MID2: variants seen among roughly 807,000 people sequenced by gnomAD.
The protein encoded by MID2 is midline 2, also known as probable E3 ubiquitin-protein ligase MID2.
A neutral mutation model predicts 46.1 loss-of-function variants in MID2; 13 were observed. The observed-to-expected ratio is 0.28, with a 90% CI of 0.18 to 0.45. The LOEUF (loss-of-function observed/expected upper bound fraction) is 0.45. Ranked by LOEUF, MID2 falls within the 20% of genes least tolerant of loss-of-function variation. MID2 has a pLI of 1.00. For synonymous variants in MID2, 199 were observed against 212.3 expected (o/e 0.94, Z 0.55); for missense variants, 431 against 575.4 (o/e 0.75, Z 2.57).
At chrX:107,882,421 C>T (rs931573279) in intron 3 of MID2, among the ~76,000 whole-genome samples, 11 of 111,677 alleles carry the variant, frequency 9.8e-5, no homozygotes, top group Admixed American at 8.6e-4. Flanking sequence ...AACAGGCAAC[C>T]TACAGAATGT....
chrX:107,839,475 G>A (rs1486265665), intron 1 of MID2, among the ~76,000 whole-genome samples: 1 of 108,615 alleles, frequency 9.2e-6, no homozygotes, highest in African/African-American at 3.4e-5. Context: ...AGGTTCAAGC[G>A]ATACTTCTGG....
chrX:107,858,664 G>C (rs1051577620), intron 3 of MID2, among the ~76,000 whole-genome samples: 1 of 112,577 alleles, frequency 8.9e-6, no homozygotes, highest in African/African-American at 3.2e-5. Flanking sequence ...GTGAGAAAGA[G>C]TATTTATAGA....
chrX:107,889,512 C>T, intron 3 of MID2, among the ~76,000 whole-genome samples: 1 of 111,755 alleles, frequency 8.9e-6, no homozygotes, highest in Non-Finnish European at 1.9e-5. Context: ...ATGGGCTTCC[C>T]TTTGTGGGAC....
intron 2 of MID2, among the ~76,000 whole-genome samples, chrX:107,848,718 G>C (rs972891429): frequency 1.8e-5 from 2 of 112,002 alleles, no homozygotes; most frequent in African/African-American, 6.5e-5. Context: ...TCTGGCATAA[G>C]GGTGTGGGCT....
intron 3 of MID2, among the ~76,000 whole-genome samples, chrX:107,889,012 G>A (rs1932531230): frequency 9.0e-6 from 1 of 111,295 alleles, no homozygotes; most frequent in South Asian, 3.8e-4. Context: ...GCCTATGTGT[G>A]TCTCTGCACT....
intron 1 of MID2, among the ~76,000 whole-genome samples, chrX:107,834,801 A>G (rs1208826442): frequency 3.6e-5 from 4 of 111,937 alleles, no homozygotes; most frequent in African/African-American, 1.3e-4. Context: ...TTGTTAGTAT[A>G]GTATAGTGAT....
chrX:107,903,889 C>T (rs1932814027), intron 3 of MID2, 69 bp from the exon 4 acceptor site: 15 of 779,691 alleles, frequency 1.9e-5, no homozygotes, highest in South Asian at 4.4e-5. Context: ...GCTGTCAGTC[C>T]GAACCTTTTA....
chrX:107,888,586 T>C (rs949634219), intron 3 of MID2, among the ~76,000 whole-genome samples: 2 of 112,271 alleles, frequency 1.8e-5, no homozygotes, highest in East Asian at 2.8e-4. Flanking sequence ...AAAGAATGTA[T>C]ATTCTGTTGA....
chrX:107,876,073 CT>C (rs1569466215), intron 3 of MID2, among the ~76,000 whole-genome samples: 1 of 111,817 alleles, frequency 8.9e-6, no homozygotes, highest in African/African-American at 3.3e-5. Context: ...AGGTGGCTTC[CT>C]CATGCTGCCT....
At chrX:107,913,091 T>A (rs1347647495) in intron 5 of MID2, among the ~76,000 whole-genome samples, 1 of 111,514 alleles carries the variant, frequency 9.0e-6, no homozygotes, top group Non-Finnish European at 1.9e-5. Context: ...ACCATGTCAC[T>A]TTTAACCCAT....
At chrX:107,860,693 T>A (rs1201152468) in intron 3 of MID2, among the ~76,000 whole-genome samples, 1 of 112,253 alleles carries the variant, frequency 8.9e-6, no homozygotes, top group African/African-American at 3.2e-5. Flanking sequence ...TGGAAAAAAA[T>A]CAAAGGTTTA....
chrX:107,878,035 GA>G (rs1482968443), intron 3 of MID2, among the ~76,000 whole-genome samples: 2 of 109,908 alleles, frequency 1.8e-5, no homozygotes, highest in Non-Finnish European at 3.8e-5. Flanking sequence ...CAGCTGAAGA[GA>G]GGGGGAAGAA....
chrX:107,872,379 C>G (rs779755657), intron 3 of MID2, among the ~76,000 whole-genome samples: 3 of 110,098 alleles, frequency 2.7e-5, no homozygotes, highest in African/African-American at 1.0e-4. Flanking sequence ...CTGAAATCAA[C>G]ATTATACCCC....
intron 8 of MID2, 108 bp downstream of exon 8, chrX:107,924,612 G>T: frequency 1.2e-6 from 1 of 841,692 alleles, no homozygotes; most frequent in Non-Finnish European, 1.7e-6. Context: ...AGTGGTACTG[G>T]GTAGAGGAGC....
chrX:107,880,318 C>T (rs1373437176), intron 3 of MID2, among the ~76,000 whole-genome samples: 1 of 110,588 alleles, frequency 9.0e-6, no homozygotes, highest in East Asian at 2.9e-4. Context: ...GACAGGATTT[C>T]ACCATGTTGC....
At chrX:107,920,496 C>T (rs1933051526) in intron 7 of MID2, among the ~76,000 whole-genome samples, 1 of 112,065 alleles carries the variant, frequency 8.9e-6, no homozygotes, top group South Asian at 3.7e-4. Flanking sequence ...CTCTGCCTAG[C>T]CAGGCGGACC....
intron 2 of MID2, among the ~76,000 whole-genome samples, chrX:107,851,853 CTTTTTATTTATTTATT>C (rs1931627733): frequency 2.5e-5 from 2 of 81,528 alleles, no homozygotes; most frequent in African/African-American, 8.7e-5. Context: ...TTTCTTTATA[CTTTTTATTTATTTATT>C]TATTTATTTA....
intron 2 of MID2, among the ~76,000 whole-genome samples, chrX:107,845,525 A>ACTCTCTCTCTCTCTCTCT (rs766707051): frequency 5.8e-4 from 42 of 72,936 alleles, no homozygotes; most frequent in African/African-American, 2.6e-3. Flanking sequence ...ACACACACAC[A>ACTCTCTCTCTCTCTCTCT]CTCTCTCTCT....
At chrX:107,921,482 C>T (rs965792987) in intron 7 of MID2, among the ~76,000 whole-genome samples, 1 of 111,155 alleles carries the variant, frequency 9.0e-6, no homozygotes, top group Non-Finnish European at 1.9e-5. Context: ...TACCCTGCTG[C>T]TTCATCAAAC....
Sources: gnomAD v4.1 joint callset for allele counts (sites outside exome capture counted in the v4.1 genomes callset) on GRCh38, gnomAD v4.1.1 for gene constraint, MANE v1.5 for transcripts, NCBI Gene and HGNC (gene_info 2026-07-23, HGNC 2026-07-21) for gene names.